The following MAD1L1 variants were observed in gnomAD, a reference collection of about 807,000 sequenced individuals.
MAD1L1 encodes the protein mitotic spindle assembly checkpoint protein MAD1.
Under a neutral mutation model 96.9 loss-of-function variants are expected in MAD1L1, and 95 were observed. The ratio of observed to expected loss-of-function variants is 0.98; its 90% CI spans 0.83 to 1.16. MAD1L1 has a LOEUF of 1.16. MAD1L1 is among the 50% of genes most tolerant of loss of function. The pLI, the probability that MAD1L1 is intolerant of heterozygous loss-of-function variation, is 0.00. For missense variants in MAD1L1, 1,007 were observed against 954.4 expected (o/e 1.06, Z -0.73); for synonymous variants, 473 against 396.6 (o/e 1.19, Z -2.29).
chr7:2,180,156 A>G (rs528671684), intron 10 of MAD1L1, among the ~76,000 whole-genome samples: 1 of 152,260 alleles, frequency 6.6e-6, no homozygotes, highest in South Asian at 2.1e-4. Context: ...CTAAGAAATG[A>G]GCTGTCCATG....
intron 15 of MAD1L1, among the ~76,000 whole-genome samples, chr7:1,967,250 T>C (rs1469395048): frequency 2.6e-5 from 4 of 152,060 alleles, no homozygotes; most frequent in South Asian, 4.1e-4. Flanking sequence ...AACATCAGAC[T>C]GAGAAATAGT....
At chr7:1,903,609 A>C (rs1167162995) in intron 17 of MAD1L1, among the ~76,000 whole-genome samples, 6 of 143,850 alleles carry the variant, frequency 4.2e-5, no homozygotes, top group Admixed American at 2.1e-4. Flanking sequence ...CCTATTGAAG[A>C]AGCTCTTGCA....
chr7:2,121,652 CA>C (rs1198909748), intron 11 of MAD1L1, among the ~76,000 whole-genome samples: 3 of 152,160 alleles, frequency 2.0e-5, no homozygotes, highest in African/African-American at 7.2e-5. Flanking sequence ...CGCTTGGGCC[CA>C]GAGCCAAGGT....
chr7:1,852,272 G>A (rs1263155570), intron 18 of MAD1L1, among the ~76,000 whole-genome samples: 1 of 152,348 alleles, frequency 6.6e-6, no homozygotes, highest in East Asian at 1.9e-4. Flanking sequence ...ACGGCAGCTG[G>A]GTTCAGGCCC....
rs185455543 is a variant in MAD1L1, at chr7:2,153,530, A to C, written c.987-4292T>G. Reference sequence around the variant, plus strand: ...CCTCAGCTTAAAATGGCTAATAAACAGACCAAAAAACACACAGACAGATGC... The same window carrying C: ...CCTCAGCTTAAAATGGCTAATAAACCGACCAAAAAACACACAGACAGATGC... On this transcript the variant is annotated intron_variant, in intron 10 of 18. Coordinates refer to ENST00000265854, the MANE Select transcript of MAD1L1 (RefSeq NM_001013836.2). Among the ~76,000 whole-genome samples, 7 of 152,354 alleles carry C rather than the reference A, an allele frequency of 4.6e-5. No individual in the cohort carries two copies. In the East Asian group the frequency reaches 1.3e-3, roughly 29 times the overall value.
chr7:1,898,539 C>A (rs1230545864), intron 17 of MAD1L1, 149 bp from the exon 18 acceptor site: 14 of 641,848 alleles, frequency 2.2e-5, no homozygotes, highest in Non-Finnish European at 3.8e-5. Context: ...CACCAGCCAG[C>A]CTCCATCGGC....
At chr7:2,209,082 G>A (rs1001356863) in intron 10 of MAD1L1, among the ~76,000 whole-genome samples, 19 of 152,162 alleles carry the variant, frequency 1.2e-4, no homozygotes, top group East Asian at 9.6e-4. Flanking sequence ...CTTCAAAGTC[G>A]TAGAAACTAA....
At chr7:2,016,378 C>T (rs534238973) in intron 12 of MAD1L1, among the ~76,000 whole-genome samples, 19 of 152,188 alleles carry the variant, frequency 1.2e-4, no homozygotes, top group Non-Finnish European at 2.2e-4. Context: ...TGATAGAGAC[C>T]AGCTCACTCA....
At chr7:1,884,832 C>T (rs999497282) in intron 18 of MAD1L1, among the ~76,000 whole-genome samples, 4 of 152,364 alleles carry the variant, frequency 2.6e-5, no homozygotes, top group East Asian at 1.9e-4. Context: ...GAGGCCACAG[C>T]GCCCTCAGAC....
At chr7:1,886,534 G>A (rs1346737458) in intron 18 of MAD1L1, among the ~76,000 whole-genome samples, 2 of 152,222 alleles carry the variant, frequency 1.3e-5, no homozygotes, top group Non-Finnish European at 2.9e-5. Context: ...GGGAGAGCAC[G>A]GTGGCACGGG....
At chr7:1,900,334 C>T (rs1254839098) in intron 17 of MAD1L1, among the ~76,000 whole-genome samples, 1 of 152,188 alleles carries the variant, frequency 6.6e-6, no homozygotes, top group African/African-American at 2.4e-5. Context: ...GGATATGGGG[C>T]CTGTACAACC....
At chr7:2,225,683 A>G (rs1793856657) in intron 3 of MAD1L1, 133 bp from the exon 4 acceptor site, 2 of 972,994 alleles carry the variant, frequency 2.1e-6, no homozygotes, top group Non-Finnish European at 3.0e-6. Context: ...GATGTGGCCC[A>G]GCCACTGGGC....
intron 12 of MAD1L1, among the ~76,000 whole-genome samples, chr7:2,061,824 T>A (rs1354444690): frequency 6.6e-6 from 1 of 152,058 alleles, no homozygotes; most frequent in African/African-American, 2.4e-5. Flanking sequence ...CTTAACAGAG[T>A]AATTAAGAAA....
intron 11 of MAD1L1, among the ~76,000 whole-genome samples, chr7:2,080,946 A>G (rs954633706): frequency 1.3e-5 from 2 of 152,150 alleles, no homozygotes; most frequent in African/African-American, 4.8e-5. Flanking sequence ...GTGACATTAT[A>G]TCTTGGCCTC....
chr7:2,230,189 T>C (rs1794123869), intron 2 of MAD1L1, 46 bp from the exon 3 acceptor site: 1 of 1,514,696 alleles, frequency 6.6e-7, no homozygotes, highest in Non-Finnish European at 9.0e-7. Flanking sequence ...CCTTTCCACG[T>C]GCCATCAGCC....
chr7:1,832,630 T>TTTTTGGGGG (rs56664541), intron 18 of MAD1L1, among the ~76,000 whole-genome samples: 1 of 2,346 alleles, frequency 4.3e-4, no homozygotes, highest in African/African-American at 1.8e-3. Flanking sequence ...TTTTTTTTTT[T>TTTTTGGGGG]GGCGGGGGGG....
At chr7:1,845,129 A>T (rs1340709603) in intron 18 of MAD1L1, among the ~76,000 whole-genome samples, 2 of 152,204 alleles carry the variant, frequency 1.3e-5, no homozygotes, top group Non-Finnish European at 2.9e-5. Flanking sequence ...CCCTCCTAGC[A>T]ATGCTGTGTG....
At chr7:2,151,885 G>A (rs556619514) in intron 10 of MAD1L1, among the ~76,000 whole-genome samples, 3 of 152,148 alleles carry the variant, frequency 2.0e-5, no homozygotes, top group Non-Finnish European at 4.4e-5. Context: ...CATGTCATGG[G>A]GTCAACGCCT....
At chr7:2,057,532 A>C in intron 12 of MAD1L1, among the ~76,000 whole-genome samples, 1 of 151,212 alleles carries the variant, frequency 6.6e-6, no homozygotes, top group East Asian at 2.0e-4. Flanking sequence ...CCCCCCCAAA[A>C]AGAAGAAGTT....
Sources: allele counts gnomAD v4.1 joint callset (sites outside exome capture counted in the v4.1 genomes callset), GRCh38; gene constraint gnomAD v4.1.1; transcripts MANE v1.5; gene names NCBI Gene and HGNC (gene_info 2026-07-23, HGNC 2026-07-21).